Variants in CHSY3 observed in about 807,000 individuals in gnomAD.
CHSY3 encodes the protein N-acetylgalactosaminyl-proteoglycan 3-beta-glucuronosyltransferase 3.
CHSY3 carries 35 observed loss-of-function variants against 67.2 expected under a neutral mutation model. That is an observed-to-expected ratio of 0.52 (90% confidence interval 0.40 to 0.69). CHSY3 has a LOEUF of 0.69. Ranked by LOEUF, CHSY3 falls within the 30% of genes least tolerant of loss-of-function variation. The pLI is 0.00. For missense variants in CHSY3, 1,069 were observed against 1,138.5 expected, an observed-to-expected ratio of 0.94 and a Z score of 0.88; for synonymous variants, 474 against 434.7, an observed-to-expected ratio of 1.09 and a Z score of -1.12.
intron 2 of CHSY3, among the ~76,000 whole-genome samples, chr5:130,143,347 AG>A (rs1272541925): frequency 6.6e-6 from 1 of 152,134 alleles, no homozygotes; most frequent in African/African-American, 2.4e-5. Flanking sequence ...CATGAGACAA[AG>A]GGATTTTTAA....
At chr5:129,975,416 T>C (rs1762778459) in intron 2 of CHSY3, among the ~76,000 whole-genome samples, 1 of 152,152 alleles carries the variant, frequency 6.6e-6, no homozygotes. Context: ...AAGTAGCAAG[T>C]TGAAGAACAC....
intron 2 of CHSY3, among the ~76,000 whole-genome samples, chr5:129,911,044 A>C (rs993413808): frequency 1.3e-5 from 2 of 150,860 alleles, no homozygotes; most frequent in Non-Finnish European, 3.0e-5. Flanking sequence ...AGTCCTGTTA[A>C]GGTGGCATGT....
chr5:130,171,890 G>A (rs551831531), intron 2 of CHSY3, among the ~76,000 whole-genome samples: 38 of 152,262 alleles, frequency 2.5e-4, no homozygotes, highest in African/African-American at 8.9e-4. Flanking sequence ...ATGCTTTGTG[G>A]TGCAAGTGAC....
At chr5:129,930,460 G>C (rs190674425) in intron 2 of CHSY3, among the ~76,000 whole-genome samples, 5 of 138,440 alleles carry the variant, frequency 3.6e-5, no homozygotes, top group South Asian at 2.5e-4. Context: ...GCATTGATAA[G>C]TTATACATAG....
intron 2 of CHSY3, among the ~76,000 whole-genome samples, chr5:130,065,747 A>G (rs769025841): frequency 2.0e-5 from 3 of 152,160 alleles, no homozygotes; most frequent in Admixed American, 1.3e-4. Context: ...ATTTGTGAAT[A>G]TGCTCCTAAA....
At chr5:129,961,551 G>T (rs959364305) in intron 2 of CHSY3, among the ~76,000 whole-genome samples, 11 of 151,914 alleles carry the variant, frequency 7.2e-5, no homozygotes, top group Non-Finnish European at 1.5e-4. Context: ...ATACCCAAAA[G>T]TTCTAAACTG....
chr5:129,995,308 T>A (rs561622680), intron 2 of CHSY3, among the ~76,000 whole-genome samples: 3 of 152,184 alleles, frequency 2.0e-5, no homozygotes, highest in African/African-American at 7.2e-5. Context: ...TTGTAGGAGG[T>A]CCTCATATTT....
At chr5:130,006,286 G>A (rs187642488) in intron 2 of CHSY3, among the ~76,000 whole-genome samples, 263 of 152,280 alleles carry the variant, frequency 1.7e-3, no homozygotes, top group Non-Finnish European at 2.4e-3. Context: ...TTAGGACATA[G>A]TAAGATGCAA....
intron 2 of CHSY3, among the ~76,000 whole-genome samples, chr5:129,992,662 T>C (rs73785840): frequency 0.042 from 6,429 of 152,234 alleles, 434 homozygotes; most frequent in African/African-American, 0.15. Context: ...GAGAAAAATT[T>C]TTACCAGTAG....
intron 2 of CHSY3, among the ~76,000 whole-genome samples, chr5:129,954,674 G>A (rs952484179): frequency 6.6e-6 from 1 of 151,852 alleles, no homozygotes; most frequent in Non-Finnish European, 1.5e-5. Context: ...GTGGTTTCTG[G>A]TTCTCCTTGA....
chr5:130,056,360 A>G (rs138535720), intron 2 of CHSY3, among the ~76,000 whole-genome samples: 5 of 151,528 alleles, frequency 3.3e-5, no homozygotes, highest in African/African-American at 1.2e-4. Flanking sequence ...TTAACATTCC[A>G]TTTATTGTGG....
chr5:130,027,857 A>G (rs911437347), intron 2 of CHSY3, among the ~76,000 whole-genome samples: 1 of 152,090 alleles, frequency 6.6e-6, no homozygotes, highest in African/African-American at 2.4e-5. Context: ...ACATTTTCTT[A>G]ATCCAGTCTA....
At chr5:130,060,381 C>A (rs1356676875) in intron 2 of CHSY3, among the ~76,000 whole-genome samples, 1 of 152,008 alleles carries the variant, frequency 6.6e-6, no homozygotes, top group African/African-American at 2.4e-5. Flanking sequence ...ATGATAAAAA[C>A]CCTCAACAAA....
chr5:130,101,135 T>C (rs1767229530), intron 2 of CHSY3, among the ~76,000 whole-genome samples: 1 of 152,236 alleles, frequency 6.6e-6, no homozygotes, highest in South Asian at 2.1e-4. Flanking sequence ...TATTTCTTCA[T>C]ACTCTTATTT....
At position 129,982,899 on chromosome 5, in the gene CHSY3, G is replaced by A. The variant is rs143718761; in HGVS notation, c.1086+74539G>A. ...AAGCAGCTTTAAGAGTTACATAAGCGAATATACATAAAAGGCTTAGTAGTA... is the reference window on the plus strand; with the variant it reads ...AAGCAGCTTTAAGAGTTACATAAGCAAATATACATAAAAGGCTTAGTAGTA... On this transcript the variant is annotated intron_variant, in intron 2 of 2. Coordinates refer to ENST00000305031, the MANE Select transcript of CHSY3 (RefSeq NM_175856.5). Among the ~76,000 whole-genome samples, 185 of 152,136 alleles carry A rather than the reference G, an allele frequency of 1.2e-3. 2 individuals are homozygous for A. In the South Asian group the frequency reaches 0.027, roughly 22 times the overall value.
intron 2 of CHSY3, among the ~76,000 whole-genome samples, chr5:130,100,065 G>C (rs539699503): frequency 6.6e-6 from 1 of 152,058 alleles, no homozygotes; most frequent in Admixed American, 6.5e-5. Flanking sequence ...AAGCATCAAT[G>C]CTTTCCAAAA....
At chr5:130,019,421 A>G (rs764913594) in intron 2 of CHSY3, among the ~76,000 whole-genome samples, 3 of 152,032 alleles carry the variant, frequency 2.0e-5, no homozygotes, top group African/African-American at 7.2e-5. Flanking sequence ...ACAGTCCCCC[A>G]ACACCCCACC....
chr5:130,081,893 AT>A (rs1346276442), intron 2 of CHSY3, among the ~76,000 whole-genome samples: 3 of 152,044 alleles, frequency 2.0e-5, no homozygotes, highest in Admixed American at 2.0e-4. Flanking sequence ...CAATCTATAT[AT>A]TTTTTCCTTT....
At chr5:129,989,843 CAGAT>C (rs1763309336) in intron 2 of CHSY3, among the ~76,000 whole-genome samples, 1 of 152,136 alleles carries the variant, frequency 6.6e-6, no homozygotes, top group African/African-American at 2.4e-5. Context: ...ATTCTGTAAA[CAGAT>C]AGATAGTAAA....
Sources: gnomAD v4.1 joint callset for allele counts (sites outside exome capture counted in the v4.1 genomes callset) on GRCh38, gnomAD v4.1.1 for gene constraint, MANE v1.5 for transcripts, NCBI Gene and HGNC (gene_info 2026-07-23, HGNC 2026-07-21) for gene names.